Variants in DMD observed in about 807,000 individuals in gnomAD.
DMD encodes mutant dystrophin.
A neutral mutation model predicts 330.1 loss-of-function variants in DMD; 63 were observed. The observed-to-expected ratio is 0.19, with a 90% CI of 0.16 to 0.24. The LOEUF is 0.24. DMD is among the 10% of genes least tolerant of loss of function. The pLI, the probability that DMD is intolerant of heterozygous loss-of-function variation, is 1.00. For missense variants in DMD, 3,344 were observed against 2,684.1 expected (o/e 1.25, Z -5.43); for synonymous variants, 1,223 against 959.8 (o/e 1.27, Z -5.07).
chrX:31,892,850 CTG>C (rs2094277037), intron 47 of DMD, among the ~76,000 whole-genome samples: 1 of 112,301 alleles, frequency 8.9e-6, no homozygotes, highest in Admixed American at 9.4e-5. Context: ...CATAGCATGA[CTG>C]TATTTTTGCA....
At chrX:32,589,449 C>CAT (rs770100805) in intron 13 of DMD, among the ~76,000 whole-genome samples, 7 of 109,324 alleles carry the variant, frequency 6.4e-5, no homozygotes, top group Non-Finnish European at 1.3e-4. Flanking sequence ...TATGTATATA[C>CAT]ATATATATAC....
chrX:31,737,977 G>T (rs1173212457), intron 51 of DMD, among the ~76,000 whole-genome samples: 1 of 111,940 alleles, frequency 8.9e-6, no homozygotes, highest in Non-Finnish European at 1.9e-5. Flanking sequence ...CATAGTAGAA[G>T]CAGTATATAG....
chrX:33,044,770 T>A (rs2094354090), intron 1 of DMD, among the ~76,000 whole-genome samples: 1 of 112,043 alleles, frequency 8.9e-6, no homozygotes, highest in South Asian at 3.7e-4. Context: ...AAATTTATTC[T>A]GCGTTCAATG....
chrX:32,036,993 G>A (rs1189891296), intron 44 of DMD, among the ~76,000 whole-genome samples: 1 of 111,502 alleles, frequency 9.0e-6, no homozygotes, highest in Non-Finnish European at 1.9e-5. Context: ...TACCTCCCAT[G>A]AGCCTTTGCT....
At chrX:32,252,735 T>TATATAAATATATATAAATATATAA (rs1569553632) in intron 43 of DMD, among the ~76,000 whole-genome samples, 4 of 27,108 alleles carry the variant, frequency 1.5e-4, no homozygotes, top group Non-Finnish European at 2.1e-4. Context: ...AATATATAAA[T>TATATAAATATATATAAATATATAA]ATATATATAA....
At chrX:32,636,406 G>A (rs953814193) in intron 11 of DMD, among the ~76,000 whole-genome samples, 10 of 111,733 alleles carry the variant, frequency 8.9e-5, no homozygotes, top group African/African-American at 2.6e-4. Context: ...GAAGGAAAAT[G>A]TTCCAGTTTT....
chrX:31,866,704 A>T (rs1234375849), intron 48 of DMD, among the ~76,000 whole-genome samples: 4 of 112,288 alleles, frequency 3.6e-5, no homozygotes, highest in Non-Finnish European at 7.5e-5. Context: ...ACTTCCAGAA[A>T]CATTAGGGGT....
At chrX:31,593,241 G>T (rs1254094203) in intron 55 of DMD, among the ~76,000 whole-genome samples, 3 of 111,042 alleles carry the variant, frequency 2.7e-5, no homozygotes, top group African/African-American at 9.8e-5. Flanking sequence ...TAAGTAATTT[G>T]CCAGGGTCAT....
rs1353460248 is a variant in DMD, at chrX:32,016,484, A to G, written c.6439-47970T>C. On this transcript the variant is annotated intron_variant, in intron 44 of 78. Transcript: ENST00000357033. ...TCACCTCCCCACAAAGCACAAGCACATAGGACAGAGGCGGTATCTAGCACA... is the reference window on the plus strand; with the variant it reads ...TCACCTCCCCACAAAGCACAAGCACGTAGGACAGAGGCGGTATCTAGCACA... Among the ~76,000 whole-genome samples the G allele has an allele frequency of 2.7e-5, 3 of 112,228 alleles. No individual in the cohort carries two copies. The East Asian group carries it at 8.4e-4, about 31-fold the overall frequency.
chrX:33,136,230 G>T (rs1461595285), intron 1 of DMD, among the ~76,000 whole-genome samples: 1 of 80,530 alleles, frequency 1.2e-5, no homozygotes, highest in Non-Finnish European at 2.2e-5. Flanking sequence ...AGTGAGCTGT[G>T]ATTAAGCCAA....
At chrX:31,356,673 T>C (rs946070111) in intron 60 of DMD, among the ~76,000 whole-genome samples, 4 of 112,366 alleles carry the variant, frequency 3.6e-5, no homozygotes, top group Non-Finnish European at 7.5e-5. Flanking sequence ...AAATGCACTT[T>C]GGATGTTTGT....
chrX:32,558,941 T>TTTTTTTTTTTTTTTTTTCC (rs2050651501), intron 16 of DMD, among the ~76,000 whole-genome samples: 1 of 20,149 alleles, frequency 5.0e-5, no homozygotes, highest in Admixed American at 8.7e-4. Context: ...AAATTTTCTT[T>TTTTTTTTTTTTTTTTTTCC]TTTTTTTTTT....
intron 2 of DMD, among the ~76,000 whole-genome samples, chrX:32,924,659 G>T (rs2088796064): frequency 8.9e-6 from 1 of 112,238 alleles, no homozygotes; most frequent in African/African-American, 3.2e-5. Context: ...TTAGCTTTAT[G>T]TTTTAAAATA....
intron 43 of DMD, among the ~76,000 whole-genome samples, chrX:32,218,938 T>A (rs916013205): frequency 9.0e-6 from 1 of 111,310 alleles, no homozygotes; most frequent in African/African-American, 3.3e-5. Flanking sequence ...GTTCTAGAGG[T>A]TTTTTCCCCT....
intron 60 of DMD, among the ~76,000 whole-genome samples, chrX:31,350,676 T>C (rs2692975): frequency 0.092 from 9,458 of 102,854 alleles, 323 homozygotes; most frequent in Non-Finnish European, 0.11. Context: ...AGAGAAGCGA[T>C]GCGGAACAAA....
chrX:32,723,185 A>G lies in DMD; in HGVS notation c.650-23892T>C, dbSNP rs60485728. ...AAATGCTTTTTCTGCATGTATTGAGATAATCATGTGGTTTTTCATCTTTCT... is the reference window on the plus strand; with the variant it reads ...AAATGCTTTTTCTGCATGTATTGAGGTAATCATGTGGTTTTTCATCTTTCT... On this transcript the variant is annotated intron_variant, in intron 7 of 78. Transcript: ENST00000357033. 8.2e-3 allele frequency among the ~76,000 whole-genome samples: 912 copies of G among 111,603 alleles called. 25 individuals carry two copies. The East Asian group carries it at 0.12, about 15-fold the overall frequency.
chrX:31,223,658 A>G (rs1435195085), intron 63 of DMD, among the ~76,000 whole-genome samples: 1 of 112,032 alleles, frequency 8.9e-6, no homozygotes, highest in Non-Finnish European at 1.9e-5. Context: ...AATAGGCACA[A>G]CTGGCTGGAT....
At chrX:31,216,145 T>C (rs1175302808) in intron 64 of DMD, among the ~76,000 whole-genome samples, 2 of 112,138 alleles carry the variant, frequency 1.8e-5, no homozygotes, top group African/African-American at 6.5e-5. Flanking sequence ...GAATGAGAAA[T>C]GATAAACTGA....
At chrX:32,822,457 G>A (rs1047467926) in intron 5 of DMD, among the ~76,000 whole-genome samples, 1 of 109,564 alleles carries the variant, frequency 9.1e-6, no homozygotes, top group African/African-American at 3.3e-5. Flanking sequence ...AATATTAGTG[G>A]ATATAAGTTC....
Sources: allele counts gnomAD v4.1 joint callset (sites outside exome capture counted in the v4.1 genomes callset), GRCh38; gene constraint gnomAD v4.1.1; transcripts MANE v1.5; gene names NCBI Gene and HGNC (gene_info 2026-07-23, HGNC 2026-07-21).